The following NCOA3 variants were observed in gnomAD, a reference collection of about 807,000 sequenced individuals.
The protein encoded by NCOA3 is CBP-interacting protein.
NCOA3 carries 51 observed loss-of-function variants against 158.8 expected under a neutral mutation model. That is an observed-to-expected ratio of 0.32 (90% CI 0.26 to 0.41). The LOEUF (loss-of-function observed/expected upper bound fraction) is 0.41. Ranked by LOEUF, NCOA3 falls within the 10% of genes least tolerant of loss-of-function variation. The pLI is 1.00. For synonymous variants in NCOA3, 537 were observed against 592.4 expected (o/e 0.91, Z 1.36); for missense variants, 1,510 against 1,746.6 (o/e 0.86, Z 2.41).
intron 1 of NCOA3, among the ~76,000 whole-genome samples, chr20:47,555,792 C>G (rs1306720144): frequency 6.6e-6 from 1 of 151,542 alleles, no homozygotes; most frequent in Non-Finnish European, 1.5e-5. Flanking sequence ...GCGCCTGCCA[C>G]CATGCCCGGC....
At chr20:47,630,185 T>G (rs1421556180) in intron 8 of NCOA3, 1 of 152,158 alleles carries the variant, frequency 6.6e-6, no homozygotes, top group Non-Finnish European at 1.5e-5. Context: ...TATTTACTCT[T>G]TCCCAGAATG....
At chr20:47,567,464 G>A (rs1419058843) in intron 1 of NCOA3, among the ~76,000 whole-genome samples, 1 of 151,706 alleles carries the variant, frequency 6.6e-6, no homozygotes, top group Non-Finnish European at 1.5e-5. Flanking sequence ...GTGCAGTGGT[G>A]CAATCACAGC....
Position 47,653,368 on chromosome 20 carries a change from ATTTTTTTT to A in NCOA3, c.4264-23_4264-16del, listed in dbSNP as rs545375540. The A allele has an allele frequency of 3.2e-4, 446 of 1,389,986 alleles. No individual in the cohort carries two copies. In the African/African-American group the frequency reaches 5.4e-3, roughly 17 times the overall value. The allele number at this position is 1,389,986 out of a possible 1,614,324, so 86.1% of individuals were successfully genotyped here. A position where few individuals can be genotyped will look rare whatever the true frequency, so the allele number is the denominator to read the frequency against. On this transcript the variant is annotated intron_variant, in intron 22 of 22. Transcript: ENST00000371998. ...GTTGTGCAAAGCATGTGTTTTACTC[ATTTTTTTT>A]TTTTTTTTTTTTTTCCTGGTTGCTG... is the stretch of plus-strand genomic sequence containing the variant.
intron 2 of NCOA3, among the ~76,000 whole-genome samples, chr20:47,603,048 A>G (rs2085887660): frequency 6.6e-6 from 1 of 152,222 alleles, no homozygotes; most frequent in Non-Finnish European, 1.5e-5. Context: ...GCCTTTCCTA[A>G]TAAGAGTTCC....
intron 2 of NCOA3, among the ~76,000 whole-genome samples, chr20:47,611,549 T>C (rs1568724794): frequency 6.6e-6 from 1 of 152,178 alleles, no homozygotes; most frequent in East Asian, 1.9e-4. Flanking sequence ...CCCAGGACTT[T>C]GGGAGGCTGG....
chr20:47,517,315 C>T (rs1170634525), intron 1 of NCOA3, among the ~76,000 whole-genome samples: 3 of 152,100 alleles, frequency 2.0e-5, no homozygotes, highest in East Asian at 3.9e-4. Context: ...CAGTTAATTC[C>T]CTTTAGATCT....
At chr20:47,547,245 C>G (rs1224454395) in intron 1 of NCOA3, among the ~76,000 whole-genome samples, 1 of 152,086 alleles carries the variant, frequency 6.6e-6, no homozygotes, top group Non-Finnish European at 1.5e-5. Context: ...TAAACACACT[C>G]TGTATTTCCT....
chr20:47,634,582 A>T (rs2086477843), intron 10 of NCOA3, among the ~76,000 whole-genome samples: 1 of 152,206 alleles, frequency 6.6e-6, no homozygotes, highest in Non-Finnish European at 1.5e-5. Flanking sequence ...TAAGAAATGC[A>T]TGAAGGGGAG....
At chr20:47,589,824 T>C (rs991191499) in intron 2 of NCOA3, among the ~76,000 whole-genome samples, 1 of 152,176 alleles carries the variant, frequency 6.6e-6, no homozygotes, top group Non-Finnish European at 1.5e-5. Context: ...TACTGAGTCA[T>C]TGGCTGCCAC....
intron 9 of NCOA3, 72 bp from the exon 10 acceptor site, chr20:47,633,976 C>A: frequency 6.5e-7 from 1 of 1,538,810 alleles, no homozygotes; most frequent in Non-Finnish European, 8.9e-7. Flanking sequence ...AGTATATTTC[C>A]TCCCTGTCCC....
At chr20:47,504,735 C>T (rs2083999190) in intron 1 of NCOA3, among the ~76,000 whole-genome samples, 2 of 150,258 alleles carry the variant, frequency 1.3e-5, no homozygotes, top group South Asian at 2.1e-4. Context: ...ACCCGGGAGG[C>T]GGAGGTTGCA....
In NCOA3 at chr20:47,635,737, TA is replaced by T. The variant is rs780174764; in HGVS notation, c.1504+25del. On this transcript the variant is annotated intron_variant, in intron 11 of 22. Transcript: ENST00000371998. ...AGGTATTTGTGTTGACATTTCCTTTTATTTTTTTTCTTTTTAAGTAATTATT... is the reference window on the plus strand; with the variant it reads ...AGGTATTTGTGTTGACATTTCCTTTTTTTTTTTTCTTTTTAAGTAATTATT... 2.9e-5 allele frequency: 46 copies of T among 1,577,814 alleles called. No individual in the cohort carries two copies. In the South Asian group the frequency reaches 4.5e-4, roughly 15 times the overall value.
rs368008273 is a variant in NCOA3, at chr20:47,637,017, T to G, written c.2376+255T>G. Among the ~76,000 whole-genome samples the G allele has an allele frequency of 1.8e-4, 28 of 152,208 alleles. No homozygotes were observed. The South Asian group carries it at 5.4e-3, about 29-fold the overall frequency. On this transcript the variant is annotated intron_variant, in intron 12 of 22. Transcript: ENST00000371998. ...TTCATGGAGGTGTTTATTGCTGGAA[T>G]GGGCAGATTGGGTCATTAAGAGAAT...
chr20:47,575,490 G>A lies in NCOA3; in HGVS notation c.-98-7693G>A, dbSNP rs563541760. ...GAATTAAGAAAAAACTATCAGCATC[G>A]AGTTTATTTACTATCTTAACTGACA... On this transcript the variant is annotated intron_variant, in intron 1 of 22. Coordinates refer to ENST00000371998, the MANE Select transcript of NCOA3 (RefSeq NM_181659.3). 5.3e-5 allele frequency among the ~76,000 whole-genome samples: 8 copies of A among 152,130 alleles called. No individual in the cohort carries two copies. The East Asian group carries it at 1.4e-3, about 26-fold the overall frequency.
At chr20:47,620,108 TTTA>T (rs1010514782) in intron 2 of NCOA3, among the ~76,000 whole-genome samples, 1 of 151,834 alleles carries the variant, frequency 6.6e-6, no homozygotes, top group Non-Finnish European at 1.5e-5. Context: ...AATTATTCAA[TTTA>T]TTATTATTAT....
chr20:47,526,633 C>T (rs933365477), intron 1 of NCOA3, among the ~76,000 whole-genome samples: 4 of 152,228 alleles, frequency 2.6e-5, no homozygotes, highest in East Asian at 3.8e-4. Flanking sequence ...TGGTGGCACA[C>T]GCCTGCAATC....
rs1457910491 is a variant in NCOA3 at position 47,551,073 on chromosome 20, GGAA to G, written c.-98-32103_-98-32101del. ...GCATTTCCTCATGATTAAATTCTGG[GGAA>G]GAAGAACGGAAATTTTATATTTCAG... On this transcript the variant is annotated intron_variant, in intron 1 of 22. Coordinates refer to ENST00000371998, the MANE Select transcript of NCOA3 (RefSeq NM_181659.3). Among the ~76,000 whole-genome samples, 11 of 152,098 alleles carry G rather than the reference GGAA, an allele frequency of 7.2e-5. 1 individual carries two copies. The East Asian group carries it at 1.5e-3, about 21-fold the overall frequency.
chr20:47,547,606 G>A (rs2084853933), intron 1 of NCOA3, among the ~76,000 whole-genome samples: 2 of 151,788 alleles, frequency 1.3e-5, no homozygotes, highest in South Asian at 2.1e-4. Context: ...TTTTAGTAGA[G>A]ACAGGGTTTC....
chr20:47,614,710 GTGAGCCAT>G (rs1467659865), intron 2 of NCOA3, among the ~76,000 whole-genome samples: 1 of 152,128 alleles, frequency 6.6e-6, no homozygotes, highest in African/African-American at 2.4e-5. Context: ...CTTTTGCTGT[GTGAGCCAT>G]TGACCATCTC....
Sources: allele counts gnomAD v4.1 joint callset (sites outside exome capture counted in the v4.1 genomes callset), GRCh38; gene constraint gnomAD v4.1.1; transcripts MANE v1.5; gene names NCBI Gene and HGNC (gene_info 2026-07-23, HGNC 2026-07-21).